The following CSMD1 variants were observed in gnomAD, a reference collection of about 807,000 sequenced individuals.
The protein encoded by CSMD1 is CUB and sushi domain-containing protein 1.
Under a neutral mutation model 417.5 loss-of-function variants are expected in CSMD1, and 213 were observed. The observed-to-expected ratio is 0.51, with a 90% CI of 0.46 to 0.57. The LOEUF (loss-of-function observed/expected upper bound fraction) is 0.57, where lower values mean the gene tolerates loss of function less well. Among genes scored for constraint, CSMD1 ranks in the 20% least tolerant of loss-of-function variants. The pLI, the probability that CSMD1 is intolerant of heterozygous loss-of-function variation, is 0.00. For synonymous variants in CSMD1, 2,862 were observed against 1,736.8 expected, an observed-to-expected ratio of 1.65 and a Z score of -16.11; for missense variants, 6,923 against 4,529.7, an observed-to-expected ratio of 1.53 and a Z score of -15.17.
At chr8:4,946,927 C>T (rs1808410491) in intron 1 of CSMD1, among the ~76,000 whole-genome samples, 1 of 152,148 alleles carries the variant, frequency 6.6e-6, no homozygotes, top group African/African-American at 2.4e-5. Flanking sequence ...AGCATATGTA[C>T]ATACGTATTT....
chr8:3,376,597 C>T (rs270094), intron 18 of CSMD1, among the ~76,000 whole-genome samples: 152,099 of 152,184 alleles, frequency 1, 76,007 homozygotes, highest in Middle Eastern at 1. Context: ...AACTATCTTT[C>T]TTTAATTAAA....
At chr8:4,270,755 C>G (rs550341932) in intron 3 of CSMD1, among the ~76,000 whole-genome samples, 1 of 152,188 alleles carries the variant, frequency 6.6e-6, no homozygotes, top group African/African-American at 2.4e-5. Context: ...CAGTGCTACT[C>G]ATCACCTGCA....
At chr8:3,773,015 C>T (rs1043450912) in intron 5 of CSMD1, among the ~76,000 whole-genome samples, 5 of 152,128 alleles carry the variant, frequency 3.3e-5, no homozygotes, top group South Asian at 2.1e-4. Flanking sequence ...AGAGGCAGGA[C>T]CTCCTCCCTG....
intron 5 of CSMD1, among the ~76,000 whole-genome samples, chr8:3,830,181 T>A (rs1802292327): frequency 6.6e-6 from 1 of 152,188 alleles, no homozygotes; most frequent in African/African-American, 2.4e-5. Flanking sequence ...TGAAGCTGAT[T>A]TATGAAGTGG....
intron 5 of CSMD1, among the ~76,000 whole-genome samples, chr8:3,951,347 G>C (rs757865705): frequency 1.3e-5 from 2 of 152,174 alleles, no homozygotes; most frequent in Non-Finnish European, 2.9e-5. Context: ...GTCCTGAACG[G>C]AGCAGGAATT....
In CSMD1 at chr8:3,018,630, A is replaced by T; in HGVS notation, c.7876T>A (p.Ser2626Thr). 6.2e-7 allele frequency: 1 copy of T among 1,613,426 alleles called. No individual in the cohort carries two copies. ...ATCTTGTTGCCATTTGGGGGAAAGGAAAGGCTTCCACACGAGATAACTAGA... is the reference window on the plus strand; with the variant it reads ...ATCTTGTTGCCATTTGGGGGAAAGGTAAGGCTTCCACACGAGATAACTAGA... ...SCRVISCGSL[S>T]FPPNGNKIGT... Residue 2626 changes from serine to threonine, a missense_variant, in exon 52 of 70, where the codon TCC becomes ACC. Transcript: ENST00000635120.
chr8:2,960,554 C>G (rs561929825), intron 62 of CSMD1, among the ~76,000 whole-genome samples: 1 of 152,136 alleles, frequency 6.6e-6, no homozygotes, highest in African/African-American at 2.4e-5. Flanking sequence ...ATTTCTCCAA[C>G]GTTCACTGAA....
chr8:2,974,577 C>T lies in CSMD1; in HGVS notation c.8614G>A (p.Gly2872Arg). 6.2e-7 allele frequency: 1 copy of T among 1,612,508 alleles called. No homozygotes were observed. The highest frequency in any genetic ancestry group is 8.5e-7 in the Non-Finnish European group (1 of 1,179,242). Residue 2872 changes from glycine to arginine, a missense_variant, in exon 56 of 70, where the codon GGA becomes AGA. Transcript: ENST00000635120. ...PGVPANAVLT[G>R]ELFTYGAVVH... is the part of the protein sequence containing the mutation. ...ACGGCGCCATAGGTAAACAGCTCTC[C>T]AGTGAGGACGGCGTTGGCAGGGACC...
chr8:3,666,138 T>C lies in CSMD1; in HGVS notation c.1009+42276A>G, dbSNP rs1049183664. ...CTTGAACTTCTGACCTCAAGTGATCTACATGCCCTGGCCTCCCCAAATGCT... is the reference window on the plus strand; with the variant it reads ...CTTGAACTTCTGACCTCAAGTGATCCACATGCCCTGGCCTCCCCAAATGCT... On this transcript the variant is annotated intron_variant, in intron 7 of 69. Coordinates refer to ENST00000635120, the MANE Select transcript of CSMD1 (RefSeq NM_033225.6). Among the ~76,000 whole-genome samples, 5 of 152,176 alleles carry C rather than the reference T, an allele frequency of 3.3e-5. No homozygotes were observed. In the East Asian group the frequency reaches 9.7e-4, roughly 29 times the overall value.
At chr8:4,187,603 G>T (rs1435293349) in intron 3 of CSMD1, among the ~76,000 whole-genome samples, 1 of 149,036 alleles carries the variant, frequency 6.7e-6, no homozygotes, top group Non-Finnish European at 1.5e-5. Context: ...TTGAACCCAG[G>T]ATGTGGAGGT....
intron 5 of CSMD1, among the ~76,000 whole-genome samples, chr8:3,994,243 T>C (rs1968324): frequency 6.6e-6 from 1 of 151,962 alleles, no homozygotes; most frequent in East Asian, 1.9e-4. Context: ...TGGAAGCCTG[T>C]TTCTTTTGTT....
At chr8:4,814,547 T>A (rs1238129646) in intron 1 of CSMD1, among the ~76,000 whole-genome samples, 1 of 152,158 alleles carries the variant, frequency 6.6e-6, no homozygotes, top group Non-Finnish European at 1.5e-5. Flanking sequence ...AATAATAGAT[T>A]AATTATAGCC....
rs58802668 is a variant in CSMD1, at chr8:4,223,351, C to G, written c.416-191252G>C. 7.2e-3 allele frequency among the ~76,000 whole-genome samples: 1,097 copies of G among 152,386 alleles called. 17 individuals are homozygous for G. The highest frequency in any genetic ancestry group is 0.024 in the African/African-American group (994 of 41,592). The stretch of plus-strand genomic sequence containing the variant: ...CACTGTTGTCTCAGAACAATTTAAA[C>G]TCCTACCTGTAGTCCATCCATCAAG... On this transcript the variant is annotated intron_variant, in intron 3 of 69. Coordinates refer to ENST00000635120, the MANE Select transcript of CSMD1 (RefSeq NM_033225.6).
At chr8:4,948,303 T>C (rs146152650) in intron 1 of CSMD1, among the ~76,000 whole-genome samples, 91 of 152,210 alleles carry the variant, frequency 6.0e-4, no homozygotes, top group African/African-American at 2.0e-3. Flanking sequence ...TTAGGTATAG[T>C]TGTTATTTTG....
intron 46 of CSMD1, among the ~76,000 whole-genome samples, chr8:3,101,313 T>C (rs1563340783): frequency 6.6e-6 from 1 of 152,234 alleles, no homozygotes; most frequent in Non-Finnish European, 1.5e-5. Context: ...TCTTCACTTT[T>C]TGAAATGCCT....
intron 5 of CSMD1, among the ~76,000 whole-genome samples, chr8:3,840,758 G>T (rs1430141335): frequency 4.7e-5 from 7 of 149,086 alleles, no homozygotes; most frequent in African/African-American, 1.7e-4. Flanking sequence ...TTCAGTGGCA[G>T]GATCTCAGTT....
intron 10 of CSMD1, among the ~76,000 whole-genome samples, chr8:3,502,128 G>A (rs899334529): frequency 6.6e-6 from 1 of 152,018 alleles, no homozygotes; most frequent in Non-Finnish European, 1.5e-5. Flanking sequence ...ACTTTGGAAG[G>A]CTGAGGCTGG....
At chr8:3,246,989 A>G (rs145980386) in intron 26 of CSMD1, among the ~76,000 whole-genome samples, 1 of 152,300 alleles carries the variant, frequency 6.6e-6, no homozygotes, top group Non-Finnish European at 1.5e-5. Context: ...TGTTAAGGCA[A>G]GAGTTATTAC....
intron 2 of CSMD1, among the ~76,000 whole-genome samples, chr8:4,449,457 T>C (rs1169878124): frequency 1.3e-5 from 2 of 152,182 alleles, no homozygotes; most frequent in South Asian, 2.1e-4. Flanking sequence ...TTGTTGATAA[T>C]TCAGTTATTA....
Sources: allele counts gnomAD v4.1 joint callset (sites outside exome capture counted in the v4.1 genomes callset), GRCh38; gene constraint gnomAD v4.1.1; transcripts MANE v1.5; gene names NCBI Gene and HGNC (gene_info 2026-07-23, HGNC 2026-07-21).